Variants in RGL1 observed in about 807,000 individuals in gnomAD.
The protein encoded by RGL1 is ral guanine nucleotide dissociation stimulator-like 1.
A neutral mutation model predicts 95.2 loss-of-function variants in RGL1; 24 were observed. The ratio of observed to expected loss-of-function variants is 0.25; its 90% CI spans 0.18 to 0.35. The LOEUF (loss-of-function observed/expected upper bound fraction) is 0.35. Ranked by LOEUF, RGL1 falls within the 10% of genes least tolerant of loss-of-function variation. The pLI, the probability that RGL1 is intolerant of heterozygous loss-of-function variation, is 1.00. For synonymous variants in RGL1, 329 were observed against 344.9 expected (o/e 0.95, Z 0.51); for missense variants, 715 against 936.3 (o/e 0.76, Z 3.08).
At chr1:183,843,793 A>G (rs1664223080) in intron 2 of RGL1, among the ~76,000 whole-genome samples, 1 of 151,132 alleles carries the variant, frequency 6.6e-6, no homozygotes, top group Non-Finnish European at 1.5e-5. Flanking sequence ...TATTGTTGTT[A>G]ATATTTAACA....
At chr1:183,890,716 C>T (rs1453404034) in intron 8 of RGL1, among the ~76,000 whole-genome samples, 1 of 152,130 alleles carries the variant, frequency 6.6e-6, no homozygotes, top group Non-Finnish European at 1.5e-5. Flanking sequence ...ACAACAGCTA[C>T]GTATCATATA....
intron 1 of RGL1, among the ~76,000 whole-genome samples, chr1:183,805,933 A>T (rs114910298): frequency 2.5e-4 from 26 of 103,000 alleles, no homozygotes; most frequent in African/African-American, 6.9e-4. Context: ...GTACAGACTT[A>T]TTCTTTTCTT....
At chr1:183,648,464 G>A in intron 1 of RGL1, 1 of 1,614,228 alleles carries the variant, frequency 6.2e-7, no homozygotes, top group Non-Finnish European at 8.5e-7. Flanking sequence ...ATATGGCTGA[G>A]TCAAGATAAC....
intron 3 of RGL1, among the ~76,000 whole-genome samples, chr1:183,859,252 G>T (rs1449005643): frequency 6.6e-6 from 1 of 152,222 alleles, no homozygotes; most frequent in East Asian, 1.9e-4. Context: ...CCAGAGAAAA[G>T]AAACGGATGA....
intron 2 of RGL1, among the ~76,000 whole-genome samples, chr1:183,807,987 C>G (rs1270389249): frequency 6.6e-6 from 1 of 152,192 alleles, no homozygotes; most frequent in East Asian, 1.9e-4. Context: ...TGATTCACAA[C>G]TTCTGAACCA....
At chr1:183,697,088 C>T (rs557302484) in intron 1 of RGL1, among the ~76,000 whole-genome samples, 5 of 152,304 alleles carry the variant, frequency 3.3e-5, no homozygotes, top group East Asian at 3.9e-4. Context: ...CAATGGCCTA[C>T]GTGATCTGTA....
intron 1 of RGL1, chr1:183,647,584 C>T (rs1227905125): frequency 1.1e-5 from 16 of 1,481,234 alleles, no homozygotes; most frequent in Non-Finnish European, 1.4e-5. Flanking sequence ...TTATCTCCAT[C>T]TTGGCTCAGC....
intron 2 of RGL1, among the ~76,000 whole-genome samples, chr1:183,833,712 G>A (rs1285224362): frequency 6.6e-6 from 1 of 152,258 alleles, no homozygotes; most frequent in Admixed American, 6.5e-5. Context: ...CAGTTGAATA[G>A]TACTTTTGGT....
At chr1:183,715,525 T>C (rs1042017332) in intron 1 of RGL1, among the ~76,000 whole-genome samples, 1 of 152,224 alleles carries the variant, frequency 6.6e-6, no homozygotes, top group Non-Finnish European at 1.5e-5. Flanking sequence ...CAGGGTACTA[T>C]GCTTTCACTA....
upstream of RGL1, among the ~76,000 whole-genome samples, chr1:183,800,183 T>C (rs915219565): frequency 3.3e-5 from 5 of 152,192 alleles, no homozygotes; most frequent in East Asian, 9.6e-4. Flanking sequence ...AATTTTTATA[T>C]TTTTTAATTC....
intron 2 of RGL1, among the ~76,000 whole-genome samples, chr1:183,821,431 A>G (rs1216537215): frequency 6.6e-6 from 1 of 152,142 alleles, no homozygotes; most frequent in Non-Finnish European, 1.5e-5. Context: ...ATCCCATGTA[A>G]AATGTATTTT....
intron 8 of RGL1, 98 bp downstream of exon 8, chr1:183,888,675 A>C (rs1667255485): frequency 1.4e-6 from 1 of 736,308 alleles, no homozygotes; most frequent in Non-Finnish European, 2.4e-6. Context: ...TAACTAGAGA[A>C]ACATATTTGA....
At chr1:183,790,544 A>G (rs1004698283) in intron 2 of RGL1, among the ~76,000 whole-genome samples, 2 of 152,204 alleles carry the variant, frequency 1.3e-5, no homozygotes. Flanking sequence ...TTGGGTATGT[A>G]TGACAAGAAT....
At chr1:183,867,762 C>T (rs773769173) in intron 4 of RGL1, among the ~76,000 whole-genome samples, 1 of 151,976 alleles carries the variant, frequency 6.6e-6, no homozygotes, top group African/African-American at 2.4e-5. Flanking sequence ...GGAATGTGCA[C>T]CTGGGTGCCT....
At chr1:183,726,758 G>A (rs1469145989) in intron 1 of RGL1, among the ~76,000 whole-genome samples, 1 of 152,018 alleles carries the variant, frequency 6.6e-6, no homozygotes, top group Non-Finnish European at 1.5e-5. Flanking sequence ...TATCCAAAAC[G>A]CTTGGGACCA....
At chr1:183,815,767 T>C (rs898241655) in intron 2 of RGL1, among the ~76,000 whole-genome samples, 2 of 152,164 alleles carry the variant, frequency 1.3e-5, no homozygotes, top group Non-Finnish European at 2.9e-5. Context: ...ATGGAATGAC[T>C]GTCAGGAGTA....
chr1:183,800,853 A>T (rs1291997394), upstream of RGL1, among the ~76,000 whole-genome samples: 1 of 152,096 alleles, frequency 6.6e-6, no homozygotes, highest in Non-Finnish European at 1.5e-5. Context: ...TTAATACTTA[A>T]TAATACCACA....
At chr1:183,744,236 A>G (rs1406376910) in intron 2 of RGL1, among the ~76,000 whole-genome samples, 1 of 152,194 alleles carries the variant, frequency 6.6e-6, no homozygotes, top group African/African-American at 2.4e-5. Context: ...GAAGTAACCT[A>G]ACAACTAGTT....
chr1:183,647,667 G>T (rs1650387102), intron 1 of RGL1: 25 of 1,585,166 alleles, frequency 1.6e-5, no homozygotes, highest in Non-Finnish European at 2.0e-5. Flanking sequence ...CATGCTGTAG[G>T]AATGTAGATT....
Sources: allele counts gnomAD v4.1 joint callset (sites outside exome capture counted in the v4.1 genomes callset), GRCh38; gene constraint gnomAD v4.1.1; transcripts MANE v1.5; gene names NCBI Gene and HGNC (gene_info 2026-07-23, HGNC 2026-07-21).